GRIK1: variants seen among roughly 807,000 people sequenced by gnomAD.
GRIK1 encodes the protein glutamate ionotropic receptor kainate type subunit 1, also known as glutamate receptor ionotropic, kainate 1.
GRIK1 carries 69 observed loss-of-function variants against 105.7 expected under a neutral mutation model. The observed-to-expected ratio is 0.65, with a 90% CI of 0.54 to 0.80. GRIK1 has a LOEUF of 0.80. Ranked by LOEUF, GRIK1 falls within the 30% of genes least tolerant of loss-of-function variation. GRIK1 has a pLI of 0.00. For synonymous variants in GRIK1, 438 were observed against 431.3 expected, an observed-to-expected ratio of 1.02 and a Z score of -0.19; for missense variants, 1,109 against 1,167.3, an observed-to-expected ratio of 0.95 and a Z score of 0.73.
chr21:29,760,123 G>A (rs1392710843), intron 1 of GRIK1: 2 of 152,196 alleles, frequency 1.3e-5, no homozygotes, highest in African/African-American at 4.8e-5. Context: ...TTTGAATCCG[G>A]TTTTTCTGAC....
chr21:29,700,314 G>T (rs777510928), intron 1 of GRIK1, among the ~76,000 whole-genome samples: 1 of 151,576 alleles, frequency 6.6e-6, no homozygotes, highest in Non-Finnish European at 1.5e-5. Context: ...AAGGATGTTG[G>T]GTTGTGCCAC....
At chr21:29,619,234 C>T (rs952270509) in intron 7 of GRIK1, among the ~76,000 whole-genome samples, 2 of 151,722 alleles carry the variant, frequency 1.3e-5, no homozygotes, top group Non-Finnish European at 2.9e-5. Context: ...GTCAGGAGAT[C>T]AAGACCATCC....
intron 1 of GRIK1, among the ~76,000 whole-genome samples, chr21:29,747,927 T>G (rs2065087042): frequency 6.6e-6 from 1 of 152,202 alleles, no homozygotes; most frequent in Non-Finnish European, 1.5e-5. Context: ...CTTTTTAAAG[T>G]CACAATTTAC....
At chr21:29,821,213 G>A (rs1468177113) in intron 1 of GRIK1, among the ~76,000 whole-genome samples, 1 of 151,898 alleles carries the variant, frequency 6.6e-6, no homozygotes, top group Non-Finnish European at 1.5e-5. Flanking sequence ...TTTCAATAAA[G>A]TAAGCCAAAA....
At chr21:29,858,058 G>A (rs993180397) in intron 1 of GRIK1, among the ~76,000 whole-genome samples, 6 of 152,010 alleles carry the variant, frequency 3.9e-5, no homozygotes, top group South Asian at 2.1e-4. Flanking sequence ...GTGCTATCAC[G>A]CCTGGCTAAA....
intron 15 of GRIK1, among the ~76,000 whole-genome samples, chr21:29,560,519 C>T (rs9977279): frequency 0.79 from 45,533 of 57,692 alleles, 17,913 homozygotes; most frequent in Middle Eastern, 0.87. Context: ...TTCCTTCCTT[C>T]CTTTCTTTCT....
chr21:29,858,403 G>A (rs1269691119), intron 1 of GRIK1, among the ~76,000 whole-genome samples: 1 of 152,118 alleles, frequency 6.6e-6, no homozygotes, highest in Non-Finnish European at 1.5e-5. Flanking sequence ...GGGGCTCCCA[G>A]TGTCTCCCTG....
chr21:29,900,525 A>G (rs983740081), intron 1 of GRIK1, among the ~76,000 whole-genome samples: 12 of 151,678 alleles, frequency 7.9e-5, no homozygotes, highest in Non-Finnish European at 1.8e-4. Context: ...CTCTAAACCA[A>G]CAAAGATCAA....
intron 1 of GRIK1, among the ~76,000 whole-genome samples, chr21:29,830,020 T>C (rs1297052093): frequency 6.6e-6 from 1 of 152,142 alleles, no homozygotes; most frequent in Non-Finnish European, 1.5e-5. Context: ...AAACACCTAC[T>C]TTCACACAAG....
intron 4 of GRIK1, among the ~76,000 whole-genome samples, chr21:29,668,762 C>T (rs1848577015): frequency 6.6e-6 from 1 of 152,178 alleles, no homozygotes; most frequent in Admixed American, 6.5e-5. Context: ...TTTAAATTCA[C>T]CTCCTTTCAG....
At chr21:29,768,342 C>T (rs1296774390) in intron 1 of GRIK1, among the ~76,000 whole-genome samples, 1 of 152,040 alleles carries the variant, frequency 6.6e-6, no homozygotes, top group East Asian at 1.9e-4. Flanking sequence ...AACCTGAGGC[C>T]AAGGCTTTTG....
In GRIK1 at chr21:29,540,773, C is replaced by T. The variant is rs2089955576; in HGVS notation, c.2608-2889G>A. ...TGTTGGTTTAAATTCCTAAATCCTACTTTCATGAGAAAGTATCAAACATAA... is the reference window on the plus strand; with the variant it reads ...TGTTGGTTTAAATTCCTAAATCCTATTTTCATGAGAAAGTATCAAACATAA... On this transcript the variant is annotated intron_variant, in intron 16 of 17. Coordinates refer to ENST00000327783, the MANE Select transcript of GRIK1 (RefSeq NM_001330994.2). Among the ~76,000 whole-genome samples, 5 of 152,230 alleles carry T rather than the reference C, an allele frequency of 3.3e-5. No homozygotes were observed. In the South Asian group the frequency reaches 1.0e-3, roughly 32 times the overall value.
At chr21:29,870,183 A>G (rs948305075) in intron 1 of GRIK1, among the ~76,000 whole-genome samples, 2 of 152,132 alleles carry the variant, frequency 1.3e-5, no homozygotes, top group African/African-American at 4.8e-5. Flanking sequence ...ATTTCTTCAT[A>G]TATTAGATTA....
In GRIK1 at chr21:29,623,944, A is replaced by G. The variant is rs144482201; in HGVS notation, c.1098+18882T>C. Among the ~76,000 whole-genome samples, 407 of 152,328 alleles carry G rather than the reference A, an allele frequency of 2.7e-3. 2 individuals are homozygous for G. The highest frequency in any genetic ancestry group is 9.1e-3 in the African/African-American group (380 of 41,570). ...TTTGTTGGCAAATCTTGTTGACATA[A>G]TGTGGATAATTGCCATCTTTGGCTG... is the stretch of plus-strand genomic sequence containing the variant. On this transcript the variant is annotated intron_variant, in intron 7 of 17. Coordinates refer to ENST00000327783, the MANE Select transcript of GRIK1 (RefSeq NM_001330994.2).
chr21:29,749,155 A>G (rs947203043), intron 1 of GRIK1: 2 of 152,230 alleles, frequency 1.3e-5, no homozygotes, highest in African/African-American at 4.8e-5. Context: ...GGTGAGTGGT[A>G]CTTCTAACAG....
At chr21:29,656,983 A>C (rs902408688) in intron 4 of GRIK1, among the ~76,000 whole-genome samples, 1 of 152,154 alleles carries the variant, frequency 6.6e-6, no homozygotes, top group Non-Finnish European at 1.5e-5. Flanking sequence ...GTTTTTTTTC[A>C]AGGGTAGACT....
chr21:29,589,777 C>T (rs1238113005), intron 10 of GRIK1, among the ~76,000 whole-genome samples: 4 of 152,112 alleles, frequency 2.6e-5, no homozygotes, highest in Non-Finnish European at 5.9e-5. Context: ...CCAACTATTT[C>T]CTTTCATTCT....
chr21:29,591,394 T>C (rs1321734266), intron 9 of GRIK1, among the ~76,000 whole-genome samples, 169 bp from the exon 10 acceptor site: 1 of 152,160 alleles, frequency 6.6e-6, no homozygotes, highest in African/African-American at 2.4e-5. Flanking sequence ...GAGGAATGAA[T>C]GTGTAGACAA....
chr21:29,630,300 G>A (rs1339073485), intron 7 of GRIK1, among the ~76,000 whole-genome samples: 1 of 152,158 alleles, frequency 6.6e-6, no homozygotes, highest in African/African-American at 2.4e-5. Context: ...TGTGACCTAT[G>A]CCCTTTGTAA....
Sources: gnomAD v4.1 joint callset for allele counts (sites outside exome capture counted in the v4.1 genomes callset) on GRCh38, gnomAD v4.1.1 for gene constraint, MANE v1.5 for transcripts, NCBI Gene and HGNC (gene_info 2026-07-23, HGNC 2026-07-21) for gene names.